The following TIAM2 variants were observed in gnomAD, a reference collection of about 807,000 sequenced individuals.
TIAM2 encodes rho guanine nucleotide exchange factor TIAM2.
A neutral mutation model predicts 152.9 loss-of-function variants in TIAM2; 80 were observed. The observed-to-expected ratio is 0.52, with a 90% CI of 0.44 to 0.63. TIAM2 has a LOEUF of 0.63. TIAM2 is among the 30% of genes least tolerant of loss of function. The probability of loss-of-function intolerance (pLI) is 0.00; values close to 1 mark genes in which losing one functional copy is unlikely to be tolerated. For synonymous variants in TIAM2, 804 were observed against 838.0 expected (o/e 0.96, Z 0.70); for missense variants, 1,965 against 2,120.1 (o/e 0.93, Z 1.44).
At chr6:155,182,722 G>A (rs940647619) in intron 13 of TIAM2, among the ~76,000 whole-genome samples, 1 of 152,154 alleles carries the variant, frequency 6.6e-6, no homozygotes, top group Non-Finnish European at 1.5e-5. Context: ...AGGAGGAAGA[G>A]AGTGTGAGAC....
At chr6:155,048,757 A>C (rs543714748) in intron 1 of TIAM2, among the ~76,000 whole-genome samples, 1 of 151,710 alleles carries the variant, frequency 6.6e-6, no homozygotes, top group East Asian at 1.9e-4. Context: ...AACTCAGTGC[A>C]TGTTTGAACA....
At chr6:155,093,628 A>G (rs906054609) in intron 2 of TIAM2, among the ~76,000 whole-genome samples, 1 of 152,194 alleles carries the variant, frequency 6.6e-6, no homozygotes, top group Admixed American at 6.5e-5. Context: ...AGAGCTGTGG[A>G]AAGATGAGAT....
At chr6:155,056,388 T>C (rs566418368) in intron 1 of TIAM2, among the ~76,000 whole-genome samples, 34 of 152,222 alleles carry the variant, frequency 2.2e-4, no homozygotes, top group African/African-American at 8.2e-4. Flanking sequence ...GCCAGGCTGA[T>C]CATGAACTCC....
chr6:155,242,899 C>CTT (rs1476671379), intron 16 of TIAM2, among the ~76,000 whole-genome samples: 1 of 63,148 alleles, frequency 1.6e-5, no homozygotes, highest in Non-Finnish European at 3.2e-5. Context: ...CCACACCCAG[C>CTT]TATTTTTTTT....
intron 15 of TIAM2, among the ~76,000 whole-genome samples, chr6:155,224,070 G>T (rs147230946): frequency 6.6e-6 from 1 of 152,226 alleles, no homozygotes; most frequent in Non-Finnish European, 1.5e-5. Flanking sequence ...GCTTGCCATT[G>T]TTCAAAGTTC....
At chr6:155,198,666 C>CAAAAAAAAAAAAAAAAAA (rs10626644) in intron 14 of TIAM2, among the ~76,000 whole-genome samples, 1 of 70,318 alleles carries the variant, frequency 1.4e-5, no homozygotes, top group African/African-American at 6.7e-5. Context: ...GAGCAAATCT[C>CAAAAAAAAAAAAAAAAAA]AAAAAAAAAA....
chr6:155,171,186 A>G (rs1406696872), intron 9 of TIAM2, among the ~76,000 whole-genome samples: 11 of 152,234 alleles, frequency 7.2e-5, no homozygotes, highest in Non-Finnish European at 1.5e-4. Context: ...TTGATGCATC[A>G]TATAACAGCC....
intron 1 of TIAM2, among the ~76,000 whole-genome samples, chr6:155,043,513 A>G (rs1381788009): frequency 6.6e-6 from 1 of 151,726 alleles, no homozygotes; most frequent in East Asian, 1.9e-4. Flanking sequence ...GCGTACCTGT[A>G]ATGCTGTCTA....
At chr6:155,045,840 C>CTT (rs11354850) in intron 1 of TIAM2, among the ~76,000 whole-genome samples, 699 of 60,484 alleles carry the variant, frequency 0.012, 15 homozygotes, top group African/African-American at 0.032. Flanking sequence ...ATAGTGCCCT[C>CTT]TTTTTTTTTT....
At chr6:154,999,606 G>A (rs1321495391) in intron 1 of TIAM2, among the ~76,000 whole-genome samples, 1 of 152,188 alleles carries the variant, frequency 6.6e-6, no homozygotes, top group African/African-American at 2.4e-5. Context: ...GAATCACTAA[G>A]TTTGTCTGAA....
At chr6:155,159,703 C>G (rs1447020974) in intron 7 of TIAM2, among the ~76,000 whole-genome samples, 1 of 152,184 alleles carries the variant, frequency 6.6e-6, no homozygotes, top group Non-Finnish European at 1.5e-5. Context: ...CCTCACCGTA[C>G]TTTTACTTGA....
At chr6:155,083,095 C>T (rs1218922035) in intron 1 of TIAM2, among the ~76,000 whole-genome samples, 3 of 151,972 alleles carry the variant, frequency 2.0e-5, no homozygotes, top group Non-Finnish European at 4.4e-5. Flanking sequence ...TGCCTGTAAT[C>T]CCAGCGCTTT....
rs1278997747 is a variant in TIAM2 at position 155,082,665 on chromosome 6, CCAATAAAT to C, written c.-208-7623_-208-7616del. ...AACTCCATCTCAACCCAAAAAAACC[CCAATAAAT>C]AAATAAATAAATAAATAAATAAATA... On this transcript the variant is annotated intron_variant, in intron 1 of 26. Coordinates refer to ENST00000682666, the MANE Select transcript of TIAM2 (RefSeq NM_012454.4). Among the ~76,000 whole-genome samples the C allele has an allele frequency of 2.6e-3, 246 of 93,396 alleles. 2 individuals are homozygous for C. Among genetic ancestry groups the C allele is most frequent in the Admixed American group, 0.02 (214 of 10,522 alleles). The allele number at this position is 93,396 out of a possible 152,430, so 61.3% of individuals were successfully genotyped here. A position where few individuals can be genotyped will look rare whatever the true frequency, so the allele number is the denominator to read the frequency against.
chr6:155,176,597 G>T (rs1465448972), intron 9 of TIAM2, among the ~76,000 whole-genome samples: 1 of 152,192 alleles, frequency 6.6e-6, no homozygotes, highest in Non-Finnish European at 1.5e-5. Context: ...CACAGGACAG[G>T]CAGTCACTAA....
chr6:155,045,857 T>TTTA (rs1777162638), intron 1 of TIAM2, among the ~76,000 whole-genome samples: 1 of 149,612 alleles, frequency 6.7e-6, no homozygotes, highest in Non-Finnish European at 1.5e-5. Flanking sequence ...TTTTTTTTTT[T>TTTA]TTTTGGTTTT....
intron 2 of TIAM2, among the ~76,000 whole-genome samples, chr6:155,102,365 T>C (rs1217049875): frequency 6.6e-6 from 1 of 152,222 alleles, no homozygotes; most frequent in East Asian, 1.9e-4. Flanking sequence ...ATTTCTTATT[T>C]GTGATAGGCA....
chr6:155,213,462 T>C lies in TIAM2; in HGVS notation c.3168+2155T>C, dbSNP rs1238304986. On this transcript the variant is annotated intron_variant, in intron 15 of 26. Coordinates refer to ENST00000682666, the MANE Select transcript of TIAM2 (RefSeq NM_012454.4). The surrounding 1 kb of genome is among the most constrained non-coding windows in gnomAD (Gnocchi z 4.2). The stretch of plus-strand genomic sequence containing the variant: ...CTCCTCTCCTCAGCTGGTTGTCTCA[T>C]TGTCTCTTTGAGTCTGGCTGAGTCC... 2.0e-5 allele frequency among the ~76,000 whole-genome samples: 3 copies of C among 152,134 alleles called. No homozygotes were observed. Among genetic ancestry groups the C allele is most frequent in the Admixed American group, 6.5e-5 (1 of 15,284 alleles).
At chr6:155,031,707 A>T (rs1477683750) in intron 1 of TIAM2, among the ~76,000 whole-genome samples, 1 of 152,124 alleles carries the variant, frequency 6.6e-6, no homozygotes, top group African/African-American at 2.4e-5. Context: ...CTGGGCACAG[A>T]GTGTGTGTCT....
intron 21 of TIAM2, chr6:155,250,690 G>A (rs1783602871): frequency 1.4e-6 from 2 of 1,395,484 alleles, no homozygotes; most frequent in African/African-American, 1.4e-5. Context: ...TGCGTGCACT[G>A]GAGCAAAATG....
Sources: allele counts gnomAD v4.1 joint callset (sites outside exome capture counted in the v4.1 genomes callset), GRCh38; gene constraint gnomAD v4.1.1; non-coding constraint Gnocchi (gnomAD v3.1); transcripts MANE v1.5; gene names NCBI Gene and HGNC (gene_info 2026-07-23, HGNC 2026-07-21).